The following ATRNL1 variants were observed in gnomAD, a reference collection of about 807,000 sequenced individuals.
ATRNL1 encodes the protein attractin like 1.
A neutral mutation model predicts 182.7 loss-of-function variants in ATRNL1; 95 were observed. The observed-to-expected ratio is 0.52, with a 90% confidence interval of 0.44 to 0.62. The LOEUF (loss-of-function observed/expected upper bound fraction) is 0.62, where lower values mean the gene tolerates loss of function less well. Among genes scored for constraint, ATRNL1 ranks in the 20% least tolerant of loss-of-function variants. The probability of loss-of-function intolerance (pLI) is 0.00; values close to 1 mark genes in which losing one functional copy is unlikely to be tolerated. For missense variants in ATRNL1, 1,471 were observed against 1,679.5 expected (o/e 0.88, Z 2.17); for synonymous variants, 576 against 568.3 (o/e 1.01, Z -0.19).
At chr10:115,679,720 T>C (rs1945986899) in intron 26 of ATRNL1, among the ~76,000 whole-genome samples, 2 of 152,100 alleles carry the variant, frequency 1.3e-5, no homozygotes, top group African/African-American at 4.8e-5. Flanking sequence ...ACTGATTAAA[T>C]TTTAATGGGC....
intron 26 of ATRNL1, among the ~76,000 whole-genome samples, chr10:115,670,879 T>A (rs1555041145): frequency 6.6e-6 from 1 of 152,130 alleles, no homozygotes; most frequent in Non-Finnish European, 1.5e-5. Flanking sequence ...GTGATTAGTA[T>A]AAAAATCAAA....
intron 26 of ATRNL1, among the ~76,000 whole-genome samples, chr10:115,579,098 T>G (rs1576149): frequency 0.49 from 73,694 of 151,430 alleles, 19,149 homozygotes; most frequent in East Asian, 0.84. Context: ...TTAAATTTGT[T>G]AAGAATTGTT....
chr10:115,529,470 T>C (rs1263787885), intron 25 of ATRNL1, among the ~76,000 whole-genome samples: 1 of 151,644 alleles, frequency 6.6e-6, no homozygotes, highest in Non-Finnish European at 1.5e-5. Context: ...AATTTTCTTT[T>C]TTCTTCTCTT....
At chr10:115,810,689 A>G (rs1950027149) in intron 27 of ATRNL1, among the ~76,000 whole-genome samples, 1 of 151,878 alleles carries the variant, frequency 6.6e-6, no homozygotes, top group Non-Finnish European at 1.5e-5. Flanking sequence ...TAGTAGATAT[A>G]TGGCTGTTCA....
intron 8 of ATRNL1, among the ~76,000 whole-genome samples, chr10:115,201,419 G>A (rs1305192172): frequency 6.6e-6 from 1 of 152,086 alleles, no homozygotes; most frequent in Non-Finnish European, 1.5e-5. Context: ...AAGGTGTAAG[G>A]AAGGGATCCA....
chr10:115,462,294 A>C (rs1200667823), intron 22 of ATRNL1, among the ~76,000 whole-genome samples: 2 of 152,140 alleles, frequency 1.3e-5, no homozygotes, highest in African/African-American at 4.8e-5. Flanking sequence ...GCCTATAATT[A>C]TACAAGCACG....
chr10:115,762,727 T>C lies in ATRNL1; in HGVS notation c.3903+35372T>C, dbSNP rs574786910. Among the ~76,000 whole-genome samples, 4 of 152,236 alleles carry C rather than the reference T, an allele frequency of 2.6e-5. No homozygotes were observed. In the South Asian group the frequency reaches 8.3e-4, roughly 32 times the overall value. On this transcript the variant is annotated intron_variant, in intron 27 of 28. Coordinates refer to ENST00000355044, the MANE Select transcript of ATRNL1 (RefSeq NM_207303.4). The stretch of plus-strand genomic sequence containing the variant: ...TACTTGAGAAAGTTACTATCAATAA[T>C]TTATATTGACAGATTCTAATGACAT...
At chr10:115,422,650 G>C (rs1234388750) in intron 20 of ATRNL1, among the ~76,000 whole-genome samples, 1 of 152,140 alleles carries the variant, frequency 6.6e-6, no homozygotes, top group Non-Finnish European at 1.5e-5. Flanking sequence ...TCAGAGCAGA[G>C]TTACCATTTG....
rs368755603 is a variant in ATRNL1, at chr10:115,127,721, C to T, written c.620C>T (p.Ser207Leu). 17 of 1,415,308 alleles carry T rather than the reference C, an allele frequency of 1.2e-5. No individual in the cohort carries two copies. Among genetic ancestry groups the T allele is most frequent in the African/African-American group, 1.5e-5 (1 of 66,852 alleles). The allele number at this position is 1,415,308 out of a possible 1,614,324, so 87.7% of individuals were successfully genotyped here. ...CTAACTGGTTTCAACATTTTCTATT[C>T]GTAAGTATTTTTTAAAAATTCCTTC... ...YNLTGFNIFYSINSCPNNCSG... is the reference protein window; with the variant it reads ...YNLTGFNIFYLINSCPNNCSG... The change falls in exon 4 of 29, where the codon TCA becomes TTA. Residue 207 changes from serine (S) to leucine (L), a missense_variant and splice_region_variant. Ser to Leu is a moderately radical substitution (Grantham distance 145, BLOSUM62 -2). Transcript: ENST00000355044.
chr10:115,742,543 T>A (rs1414584891), intron 27 of ATRNL1, among the ~76,000 whole-genome samples: 1 of 152,206 alleles, frequency 6.6e-6, no homozygotes, highest in Non-Finnish European at 1.5e-5. Context: ...TTTCAAAGGC[T>A]ATGATGGTTA....
intron 28 of ATRNL1, among the ~76,000 whole-genome samples, chr10:115,872,386 T>A (rs1403386220): frequency 6.6e-6 from 1 of 152,204 alleles, no homozygotes; most frequent in Non-Finnish European, 1.5e-5. Flanking sequence ...ATTCCAACGT[T>A]TGTGTTTAGA....
chr10:115,386,737 A>G (rs1360221433), intron 19 of ATRNL1, among the ~76,000 whole-genome samples: 1 of 151,304 alleles, frequency 6.6e-6, no homozygotes, highest in African/African-American at 2.4e-5. Flanking sequence ...ATATGTATAC[A>G]TGTGCCATGC....
intron 26 of ATRNL1, among the ~76,000 whole-genome samples, chr10:115,694,746 G>A (rs1946499181): frequency 6.6e-6 from 1 of 152,030 alleles, no homozygotes; most frequent in Non-Finnish European, 1.5e-5. Flanking sequence ...ATTTGGGAAA[G>A]CATTTCCCCA....
chr10:115,896,858 C>A (rs1262739643), intron 28 of ATRNL1, among the ~76,000 whole-genome samples: 9 of 151,958 alleles, frequency 5.9e-5, no homozygotes, highest in African/African-American at 2.2e-4. Context: ...TATAAAAAGG[C>A]ATACATAAAT....
intron 1 of ATRNL1, among the ~76,000 whole-genome samples, chr10:115,102,040 G>T (rs949329257): frequency 6.6e-6 from 1 of 152,132 alleles, no homozygotes; most frequent in African/African-American, 2.4e-5. Context: ...TGATAGTCTT[G>T]TTCAAGTCTT....
intron 28 of ATRNL1, among the ~76,000 whole-genome samples, chr10:115,889,716 C>G (rs1307273173): frequency 2.0e-5 from 3 of 152,146 alleles, no homozygotes; most frequent in African/African-American, 7.2e-5. Context: ...AACCTGTGTT[C>G]TTAACCACGA....
At chr10:115,553,575 A>G (rs1439815116) in intron 26 of ATRNL1, among the ~76,000 whole-genome samples, 2 of 151,532 alleles carry the variant, frequency 1.3e-5, no homozygotes, top group Middle Eastern at 3.4e-3. Flanking sequence ...ATAATACCCT[A>G]TCTCCCTGCA....
intron 15 of ATRNL1, among the ~76,000 whole-genome samples, chr10:115,296,897 C>T (rs117741415): frequency 3.7e-4 from 56 of 152,302 alleles, no homozygotes; most frequent in South Asian, 1.7e-3. Flanking sequence ...AAGACAATTG[C>T]TGTTCTCAAA....
chr10:115,677,827 G>C (rs1347331102), intron 26 of ATRNL1, among the ~76,000 whole-genome samples: 1 of 152,070 alleles, frequency 6.6e-6, no homozygotes, highest in African/African-American at 2.4e-5. Flanking sequence ...GCACCACATT[G>C]AGTCTCTGCA....
Sources: allele counts gnomAD v4.1 joint callset (sites outside exome capture counted in the v4.1 genomes callset), GRCh38; gene constraint gnomAD v4.1.1; transcripts MANE v1.5; gene names NCBI Gene and HGNC (gene_info 2026-07-23, HGNC 2026-07-21).